COBLL1: variants seen among roughly 807,000 people sequenced by gnomAD.
The protein encoded by COBLL1 is cordon-bleu WH2 repeat protein like 1.
In COBLL1, 50 loss-of-function variants were observed where a neutral mutation model predicts 94.8. That is an observed-to-expected ratio of 0.53 (90% CI 0.42 to 0.67). The LOEUF (loss-of-function observed/expected upper bound fraction) is 0.67, where lower values mean the gene tolerates loss of function less well. Ranked by LOEUF, COBLL1 falls within the 30% of genes least tolerant of loss-of-function variation. The probability of loss-of-function intolerance (pLI) is 0.00; values close to 1 mark genes in which losing one functional copy is unlikely to be tolerated. For synonymous variants in COBLL1, 448 were observed against 473.8 expected (o/e 0.95, Z 0.71); for missense variants, 1,362 against 1,348.7 (o/e 1.01, Z -0.15).
At position 164,733,412 on chromosome 2, in the gene COBLL1, A is replaced by G. The variant is rs370060834; in HGVS notation, c.231-3297T>C. Reference sequence around the variant, plus strand: ...ATGACCTTTGCACTCAACACTGCCTATATGTTTTCTACTAAAAATGCCTCT... The same window carrying G: ...ATGACCTTTGCACTCAACACTGCCTGTATGTTTTCTACTAAAAATGCCTCT... On this transcript the variant is annotated intron_variant, in intron 3 of 13. Transcript: ENST00000652658. 3.3e-5 allele frequency among the ~76,000 whole-genome samples: 5 copies of G among 152,196 alleles called. No homozygotes were observed. In the East Asian group the frequency reaches 7.7e-4, roughly 23 times the overall value.
Position 164,682,901 on chromosome 2 carries a change from C to A in COBLL1, c.*3045G>T, listed in dbSNP as rs1012503008. ...AATGGCTAACAGAAATACGATCGATCTGTATGTGTAAAAAGAAAAGCTCTT... is the reference window on the plus strand; with the variant it reads ...AATGGCTAACAGAAATACGATCGATATGTATGTGTAAAAAGAAAAGCTCTT... On this transcript the variant is annotated 3_prime_UTR_variant, in exon 14 of 14. Transcript: ENST00000652658. 1 of 151,858 alleles carries A rather than the reference C, an allele frequency of 6.6e-6. No individual in the cohort carries two copies. Among genetic ancestry groups the A allele is most frequent in the Non-Finnish European group, 1.5e-5 (1 of 68,012 alleles). The allele number at this position is 151,858 out of a possible 1,614,324, so 9.4% of individuals were successfully genotyped here.
chr2:164,793,600 G>A (rs1683298312), intron 2 of COBLL1, among the ~76,000 whole-genome samples: 1 of 152,096 alleles, frequency 6.6e-6, no homozygotes, highest in Non-Finnish European at 1.5e-5. Context: ...TAAAATCACT[G>A]GTGATCTGAA....
intron 2 of COBLL1, among the ~76,000 whole-genome samples, chr2:164,824,983 C>T: frequency 6.6e-6 from 1 of 152,158 alleles, no homozygotes; most frequent in Non-Finnish European, 1.5e-5. Flanking sequence ...ATTCCAGGCT[C>T]ATATCTACCA....
At chr2:164,764,651 T>C (rs1322148024) in intron 2 of COBLL1, among the ~76,000 whole-genome samples, 2 of 152,104 alleles carry the variant, frequency 1.3e-5, no homozygotes, top group Non-Finnish European at 2.9e-5. Context: ...GCAAACAGAA[T>C]GTTCTAGGAT....
chr2:164,826,949 TTTTG>T (rs1213618519), intron 2 of COBLL1, among the ~76,000 whole-genome samples: 67 of 152,148 alleles, frequency 4.4e-4, no homozygotes, highest in East Asian at 5.8e-4. Context: ...GTTTTTTGTT[TTTTG>T]TTTGTTTGTT....
chr2:164,714,370 GAAAA>G (rs35115672), intron 7 of COBLL1, among the ~76,000 whole-genome samples: 4 of 114,430 alleles, frequency 3.5e-5, no homozygotes, highest in Admixed American at 8.8e-5. Flanking sequence ...CATCTTGGAT[GAAAA>G]AAAAAAAAAA....
chr2:164,731,156 G>C (rs1685989177), intron 3 of COBLL1, among the ~76,000 whole-genome samples: 1 of 152,166 alleles, frequency 6.6e-6, no homozygotes, highest in African/African-American at 2.4e-5. Flanking sequence ...CAGCAGAATG[G>C]AGTAGGGTGA....
At chr2:164,675,943 C>A (rs907295355), downstream of COBLL1, among the ~76,000 whole-genome samples, 1 of 151,956 alleles carries the variant, frequency 6.6e-6, no homozygotes, top group Non-Finnish European at 1.5e-5. Flanking sequence ...TACTTGAGTG[C>A]ACTAAAAATA....
chr2:164,818,295 T>C (rs1009869074), intron 2 of COBLL1, among the ~76,000 whole-genome samples: 11 of 141,956 alleles, frequency 7.7e-5, no homozygotes, highest in Non-Finnish European at 1.2e-4. Context: ...TATGTATGTA[T>C]ACATATGTAT....
At chr2:164,668,658 G>T (rs1691202738) in intron 1 of COBLL1, among the ~76,000 whole-genome samples, 1 of 152,180 alleles carries the variant, frequency 6.6e-6, no homozygotes, top group Non-Finnish European at 1.5e-5. Flanking sequence ...ATTAAGCAAA[G>T]CACAGTGAAA....
At chr2:164,824,851 A>G (rs1685351732) in intron 2 of COBLL1, among the ~76,000 whole-genome samples, 1 of 152,204 alleles carries the variant, frequency 6.6e-6, no homozygotes, top group Non-Finnish European at 1.5e-5. Flanking sequence ...GTTCAGTTCC[A>G]TTTAAGATCA....
chr2:164,807,441 TAA>T (rs776098197), intron 2 of COBLL1, among the ~76,000 whole-genome samples: 22 of 139,502 alleles, frequency 1.6e-4, no homozygotes, highest in Admixed American at 2.9e-4. Context: ...TCGTCTCAAT[TAA>T]AAAAAAAAAA....
At chr2:164,787,448 A>T (rs1000109883) in intron 2 of COBLL1, among the ~76,000 whole-genome samples, 2 of 152,018 alleles carry the variant, frequency 1.3e-5, no homozygotes, top group African/African-American at 4.8e-5. Flanking sequence ...ACTATATGAG[A>T]TGATGAATAT....
At chr2:164,730,360 G>T (rs914306001) in intron 3 of COBLL1, among the ~76,000 whole-genome samples, 1 of 151,252 alleles carries the variant, frequency 6.6e-6, no homozygotes, top group African/African-American at 2.4e-5. Context: ...AGCCTGCTGT[G>T]GTGGGTGTGT....
At chr2:164,824,387 GA>G (rs1213274756) in intron 2 of COBLL1, among the ~76,000 whole-genome samples, 2,797 of 91,890 alleles carry the variant, frequency 0.03, 54 homozygotes, top group African/African-American at 0.079. Flanking sequence ...TCCCAAAAAA[GA>G]AAAAAAAAAA....
downstream of COBLL1, among the ~76,000 whole-genome samples, chr2:164,678,517 GC>G (rs1444106378): frequency 2.6e-5 from 4 of 152,142 alleles, no homozygotes; most frequent in Admixed American, 2.6e-4. Context: ...ACCAATGAAT[GC>G]CCCTGTCTGA....
intron 2 of COBLL1, among the ~76,000 whole-genome samples, chr2:164,751,992 T>C (rs1687149051): frequency 6.6e-6 from 1 of 152,160 alleles, no homozygotes; most frequent in Admixed American, 6.5e-5. Context: ...TTTTCATTTT[T>C]AGGAATGGGA....
chr2:164,673,865 A>C (rs889810268), intron 1 of COBLL1, among the ~76,000 whole-genome samples: 1 of 152,162 alleles, frequency 6.6e-6, no homozygotes, highest in African/African-American at 2.4e-5. Flanking sequence ...AAATTTTTAA[A>C]AAATATCTCT....
At chr2:164,787,089 C>T (rs1177139481) in intron 2 of COBLL1, among the ~76,000 whole-genome samples, 1 of 152,150 alleles carries the variant, frequency 6.6e-6, no homozygotes, top group Non-Finnish European at 1.5e-5. Context: ...AATCACTTAA[C>T]TTCGAGTTGC....
Sources: gnomAD v4.1 joint callset for allele counts (sites outside exome capture counted in the v4.1 genomes callset) on GRCh38, gnomAD v4.1.1 for gene constraint, MANE v1.5 for transcripts, NCBI Gene and HGNC (gene_info 2026-07-23, HGNC 2026-07-21) for gene names.